Variants in KANSL2 observed in about 807,000 individuals in gnomAD.
KANSL2 encodes NSL complex protein NSL2.
A neutral mutation model predicts 55.6 loss-of-function variants in KANSL2; 34 were observed. That is an observed-to-expected ratio of 0.61 (90% confidence interval 0.46 to 0.81). KANSL2 has a LOEUF of 0.81. Among genes scored for constraint, KANSL2 ranks in the 40% least tolerant of loss-of-function variants. The pLI is 0.00. For missense variants in KANSL2, 502 were observed against 609.9 expected, an observed-to-expected ratio of 0.82 and a Z score of 1.86; for synonymous variants, 209 against 214.3, an observed-to-expected ratio of 0.98 and a Z score of 0.22.
intron 4 of KANSL2, among the ~76,000 whole-genome samples, chr12:48,676,699 G>A (rs901820486): frequency 4.6e-5 from 7 of 151,794 alleles, no homozygotes; most frequent in African/African-American, 1.7e-4. Context: ...AAGTCACTAC[G>A]CCTGGCCATA....
intron 5 of KANSL2, 149 bp downstream of exon 5, chr12:48,671,649 AC>A (rs1939716509): frequency 2.6e-6 from 2 of 761,718 alleles, no homozygotes; most frequent in Middle Eastern, 3.5e-4. Context: ...AGGCTATACC[AC>A]CTACGTTAGC....
Position 48,681,655 on chromosome 12 carries a change from C to G in KANSL2, c.-9-14G>C, listed in dbSNP as rs1449394724. The G allele has an allele frequency of 1.9e-6, 3 of 1,613,894 alleles. No individual in the cohort carries two copies. Among genetic ancestry groups the G allele is most frequent in the Admixed American group, 1.7e-5 (1 of 60,026 alleles). On this transcript the variant is annotated splice_polypyrimidine_tract_variant and intron_variant, in intron 1 of 9. Transcript: ENST00000420613. ...CATAACCAAAACCTGCGGGGTCAAA[C>G]GAAAGACCAAAAAGCCCTTACCCTT...
At chr12:48,654,302 G>C (rs1939335702) in intron 9 of KANSL2, 127 bp from the exon 10 acceptor site, 1 of 1,018,052 alleles carries the variant, frequency 9.8e-7, no homozygotes, top group Admixed American at 1.8e-5. Flanking sequence ...ATTCTGGACA[G>C]ATGCTCTTCC....
At position 48,655,914 on chromosome 12, in the gene KANSL2, A is replaced by T. The variant is rs1351730922; in HGVS notation, c.1228-854T>A. 2.0e-5 allele frequency among the ~76,000 whole-genome samples: 3 copies of T among 152,274 alleles called. No homozygotes were observed. In the East Asian group the frequency reaches 5.8e-4, roughly 29 times the overall value. On this transcript the variant is annotated intron_variant, in intron 8 of 9. Coordinates refer to ENST00000420613, the MANE Select transcript of KANSL2 (RefSeq NM_017822.4). ...CATCTCTACCTACCCACCTACTTAC[A>T]CACATACATACATAGGTTAAAAGAG...
intron 4 of KANSL2, among the ~76,000 whole-genome samples, chr12:48,673,163 G>A (rs951782031): frequency 8.5e-5 from 13 of 152,072 alleles, no homozygotes; most frequent in Admixed American, 7.2e-4. Context: ...TAATTTTCTT[G>A]ACAATATTCT....
chr12:48,655,724 T>G (rs920797457), intron 8 of KANSL2, among the ~76,000 whole-genome samples: 2 of 152,224 alleles, frequency 1.3e-5, no homozygotes, highest in African/African-American at 4.8e-5. Context: ...AAAATGGTGA[T>G]AGCTGTACAA....
chr12:48,667,781 G>A lies in KANSL2; in HGVS notation c.885C>T (p.Thr295=). 1 of 1,612,708 alleles carries A rather than the reference G, an allele frequency of 6.2e-7. No individual in the cohort carries two copies. Among genetic ancestry groups the A allele is most frequent in the Non-Finnish European group, 8.5e-7 (1 of 1,178,878 alleles). Residue 295 remains threonine (T), a synonymous_variant, in exon 7 of 10, where the codon ACC becomes ACT. Coordinates refer to ENST00000420613, the MANE Select transcript of KANSL2 (RefSeq NM_017822.4). ...ATDGAAQQAH[T]TRSSQRCLAF... ...CCAAGCACCTCTGACTGGAACGAGT[G>A]GTATGGGCCTGAAATGGAAAAAGAC...
intron 6 of KANSL2, among the ~76,000 whole-genome samples, chr12:48,668,298 C>T (rs978277697): frequency 7.2e-5 from 11 of 152,308 alleles, no homozygotes; most frequent in East Asian, 5.8e-4. Context: ...GAACCAAGGA[C>T]TTAGAAACTT....
In KANSL2 at chr12:48,653,457, T is replaced by C. The variant is rs1410941542; in HGVS notation, c.*587A>G. ...TCATAACATTTTCTTTAACATTTAA[T>C]AGAAACTATATACAATAAATTTTTA... On this transcript the variant is annotated 3_prime_UTR_variant, in exon 10 of 10. Transcript: ENST00000420613. 6 of 152,640 alleles carry C rather than the reference T, an allele frequency of 3.9e-5. No individual in the cohort carries two copies. The East Asian group carries it at 1.2e-3, about 29-fold the overall frequency. The allele number at this position is 152,640 out of a possible 1,614,324, so 9.5% of individuals were successfully genotyped here.
rs770081692 is a variant in KANSL2, at chr12:48,681,717, G to A, written c.-9-76C>T. The A allele has an allele frequency of 1.9e-6, 3 of 1,585,092 alleles. No homozygotes were observed. In the East Asian group the frequency reaches 6.7e-5, roughly 35 times the overall value. ...CTGCTCCACACAGATCGCGCGGACA[G>A]TTTCCAAAGGACATGCAGAAGTCGT... On this transcript the variant is annotated intron_variant, in intron 1 of 9. Transcript: ENST00000420613.
chr12:48,681,359 C>A (rs752449460), intron 2 of KANSL2, 23 bp downstream of exon 2: 1 of 1,579,960 alleles, frequency 6.3e-7, no homozygotes, highest in African/African-American at 1.4e-5. Flanking sequence ...AGAAAAACGA[C>A]ATATATATCT....
intron 4 of KANSL2, among the ~76,000 whole-genome samples, chr12:48,675,496 T>C (rs1939804835): frequency 2.6e-5 from 4 of 152,208 alleles, no homozygotes; most frequent in Admixed American, 2.0e-4. Flanking sequence ...TAACCTAAAA[T>C]ACTGAGGCCT....
At chr12:48,654,815 G>T in intron 9 of KANSL2, 126 bp downstream of exon 9, 1 of 931,346 alleles carries the variant, frequency 1.1e-6, no homozygotes, top group Non-Finnish European at 1.6e-6. Flanking sequence ...TGAGAGACAT[G>T]TGGAGCATCT....
At chr12:48,681,214 T>A in intron 2 of KANSL2, 168 bp downstream of exon 2, 1 of 629,024 alleles carries the variant, frequency 1.6e-6, no homozygotes, top group East Asian at 3.0e-5. Context: ...GTAATCCAAC[T>A]CAAGGGTCTT....
chr12:48,680,276 G>A (rs903080108), intron 2 of KANSL2, among the ~76,000 whole-genome samples: 1 of 152,070 alleles, frequency 6.6e-6, no homozygotes, highest in South Asian at 2.1e-4. Flanking sequence ...AGTCTGGTCT[G>A]GAACTCCCAG....
chr12:48,658,226 G>T (rs1939427266), intron 8 of KANSL2, among the ~76,000 whole-genome samples: 1 of 151,962 alleles, frequency 6.6e-6, no homozygotes, highest in Non-Finnish European at 1.5e-5. Context: ...GCGAGACTCT[G>T]TCAAAAATAA....
Position 48,681,435 on chromosome 12 carries a change from C to A in KANSL2, c.198G>T (p.Thr66=). The change falls in exon 2 of 10, where the codon ACG becomes ACT. Residue 66 remains threonine (T), a synonymous_variant. Coordinates refer to ENST00000420613, the MANE Select transcript of KANSL2 (RefSeq NM_017822.4). Reference sequence around the variant, plus strand: ...CATTGGGACATCTTTTTCCATTCTTCGTCGATATATAACTACACTGCTTGA... The same window carrying A: ...CATTGGGACATCTTTTTCCATTCTTAGTCGATATATAACTACACTGCTTGA... ...APFKQCSYIS[T]KNGKRCPNAA... is the part of the protein sequence containing the mutation. The A allele has an allele frequency of 6.2e-7, 1 of 1,613,810 alleles. No homozygotes were observed. Among genetic ancestry groups the A allele is most frequent in the Non-Finnish European group, 8.5e-7 (1 of 1,179,822 alleles).
At chr12:48,665,617 T>C (rs1366271815) in intron 7 of KANSL2, among the ~76,000 whole-genome samples, 1 of 152,206 alleles carries the variant, frequency 6.6e-6, no homozygotes, top group African/African-American at 2.4e-5. Context: ...TGGCATTTCT[T>C]GCCAAGCAAA....
intron 3 of KANSL2, 65 bp from the exon 4 acceptor site, chr12:48,679,215 T>C (rs1939876385): frequency 9.5e-7 from 1 of 1,050,026 alleles, no homozygotes; most frequent in Admixed American, 1.9e-5. Context: ...CACACAAAAC[T>C]AGATTACTTT....
Sources: gnomAD v4.1 joint callset for allele counts (sites outside exome capture counted in the v4.1 genomes callset) on GRCh38, gnomAD v4.1.1 for gene constraint, MANE v1.5 for transcripts, NCBI Gene and HGNC (gene_info 2026-07-23, HGNC 2026-07-21) for gene names.